Variants in ZDHHC20 observed in about 807,000 individuals in gnomAD.
ZDHHC20 encodes the protein zDHHC palmitoyltransferase 20.
Under a neutral mutation model 57.8 loss-of-function variants are expected in ZDHHC20, and 43 were observed. The observed-to-expected ratio is 0.74, with a 90% CI of 0.58 to 0.96. The LOEUF (loss-of-function observed/expected upper bound fraction) is 0.96, where lower values mean the gene tolerates loss of function less well. Ranked by LOEUF, ZDHHC20 falls within the 40% of genes least tolerant of loss-of-function variation. The pLI is 0.00. For missense variants in ZDHHC20, 391 were observed against 441.1 expected, an observed-to-expected ratio of 0.89 and a Z score of 1.02; for synonymous variants, 157 against 153.0, an observed-to-expected ratio of 1.03 and a Z score of -0.19.
intron 1 of ZDHHC20, among the ~76,000 whole-genome samples, chr13:21,440,331 C>A (rs1449636782): frequency 6.6e-6 from 1 of 152,072 alleles, no homozygotes; most frequent in Non-Finnish European, 1.5e-5. Context: ...TAAGATACGG[C>A]AGGTGCAGTG....
chr13:21,428,157 G>A (rs2083953316), intron 1 of ZDHHC20, among the ~76,000 whole-genome samples: 1 of 152,056 alleles, frequency 6.6e-6, no homozygotes, highest in Admixed American at 6.6e-5. Context: ...GCAATCTGCA[G>A]AACCTCTCTC....
At chr13:21,395,769 G>C (rs1045841793) in intron 7 of ZDHHC20, among the ~76,000 whole-genome samples, 1 of 151,794 alleles carries the variant, frequency 6.6e-6, no homozygotes, top group African/African-American at 2.4e-5. Context: ...CAAAGTGCTG[G>C]GATTACAGGC....
chr13:21,418,325 A>G (rs1255540542), intron 3 of ZDHHC20, among the ~76,000 whole-genome samples: 1 of 152,180 alleles, frequency 6.6e-6, no homozygotes, highest in African/African-American at 2.4e-5. Flanking sequence ...AAGTTGATGT[A>G]AAGGCTTAAG....
At chr13:21,435,177 T>C (rs1003597189) in intron 1 of ZDHHC20, among the ~76,000 whole-genome samples, 3 of 152,200 alleles carry the variant, frequency 2.0e-5, no homozygotes, top group African/African-American at 7.2e-5. Context: ...TCTTTTCTTA[T>C]GCTTATGTGT....
At chr13:21,381,067 C>T (rs1296491562) in intron 11 of ZDHHC20, among the ~76,000 whole-genome samples, 1 of 151,566 alleles carries the variant, frequency 6.6e-6, no homozygotes, top group Non-Finnish European at 1.5e-5. Flanking sequence ...AGTGCAGTGG[C>T]GCGATCTCAG....
chr13:21,414,460 A>T (rs1879665505), intron 3 of ZDHHC20, among the ~76,000 whole-genome samples: 1 of 149,590 alleles, frequency 6.7e-6, no homozygotes, highest in African/African-American at 2.5e-5. Context: ...TCCCGGGTTC[A>T]TGCCATTCTC....
At position 21,426,695 on chromosome 13, in the gene ZDHHC20, TC is replaced by T. The variant is rs1439001664; in HGVS notation, c.119-1018del. On this transcript the variant is annotated intron_variant, in intron 1 of 12. Transcript: ENST00000400590. ...ATCTTGGCTCACTGCAACCTCCACC[TC>T]CCAGGTTCAAGTGATTCTCCTGCCT... Among the ~76,000 whole-genome samples the T allele has an allele frequency of 3.4e-5, 5 of 147,216 alleles. No individual in the cohort carries two copies. The East Asian group carries it at 1.1e-3, about 32-fold the overall frequency.
intron 4 of ZDHHC20, chr13:21,404,417 C>T (rs1878158693): frequency 2.2e-5 from 10 of 455,884 alleles, no homozygotes; most frequent in South Asian, 1.6e-4. Context: ...TTTTTGACAA[C>T]CCTAATATGG....
chr13:21,434,636 A>G (rs1047372224), intron 1 of ZDHHC20, among the ~76,000 whole-genome samples: 1 of 152,090 alleles, frequency 6.6e-6, no homozygotes, highest in Non-Finnish European at 1.5e-5. Context: ...AGTGATTTGG[A>G]GTGACTCAAA....
intron 1 of ZDHHC20, among the ~76,000 whole-genome samples, chr13:21,442,552 C>T (rs1385563253): frequency 6.6e-6 from 1 of 152,050 alleles, no homozygotes; most frequent in African/African-American, 2.4e-5. Context: ...GTCAGGAGTT[C>T]AAGACCAGCC....
chr13:21,447,699 G>A (rs61950032), intron 1 of ZDHHC20, among the ~76,000 whole-genome samples: 474 of 106,710 alleles, frequency 4.4e-3, no homozygotes, highest in African/African-American at 7.7e-3. Context: ...CTGCCCGGCC[G>A]CCACCCCGTC....
intron 7 of ZDHHC20, among the ~76,000 whole-genome samples, chr13:21,398,991 A>T (rs544153071): frequency 3.3e-5 from 5 of 152,238 alleles, no homozygotes; most frequent in Non-Finnish European, 7.3e-5. Flanking sequence ...AAAGGAATTA[A>T]TATTATCTTG....
At chr13:21,383,179 G>A (rs962263577) in intron 9 of ZDHHC20, among the ~76,000 whole-genome samples, 170 bp from the exon 10 acceptor site, 3 of 152,194 alleles carry the variant, frequency 2.0e-5, no homozygotes, top group Admixed American at 1.3e-4. Context: ...CGGTTTGGCT[G>A]TGTCCTCACC....
rs981776498 is a variant in ZDHHC20 at position 21,375,359 on chromosome 13, G to C, written c.*1337C>G. 6 of 356,702 alleles carry C rather than the reference G, an allele frequency of 1.7e-5. No homozygotes were observed. The highest frequency in any genetic ancestry group is 3.3e-5 in the Non-Finnish European group (6 of 182,622). The allele number at this position is 356,702 out of a possible 1,614,324, so 22.1% of individuals were successfully genotyped here. A position where few individuals can be genotyped will look rare whatever the true frequency, so the allele number is the denominator to read the frequency against. On this transcript the variant is annotated 3_prime_UTR_variant, in exon 13 of 13. Coordinates refer to ENST00000400590, the MANE Select transcript of ZDHHC20 (RefSeq NM_001330059.2). The stretch of plus-strand genomic sequence containing the variant: ...ATTATTTTGGGGGGGGTGTGTGTGT[G>C]TGTGTGTCTGTCTGTCTAAAAGGTG...
intron 1 of ZDHHC20, among the ~76,000 whole-genome samples, chr13:21,436,968 T>TA (rs1391392577): frequency 2.6e-5 from 4 of 152,006 alleles, no homozygotes; most frequent in Admixed American, 1.3e-4. Context: ...CCCTAGAACT[T>TA]AAAGTATAAT....
At chr13:21,380,790 CAA>C (rs552347815) in intron 11 of ZDHHC20, among the ~76,000 whole-genome samples, 11 of 124,106 alleles carry the variant, frequency 8.9e-5, no homozygotes, top group African/African-American at 1.7e-4. Flanking sequence ...AATTCCATCT[CAA>C]AAAAAAAAAA....
intron 3 of ZDHHC20, among the ~76,000 whole-genome samples, chr13:21,417,297 CTG>C (rs1164093344): frequency 2.0e-5 from 3 of 152,044 alleles, no homozygotes; most frequent in South Asian, 4.1e-4. Context: ...TGTTTACTGT[CTG>C]TCTCTACCTT....
intron 1 of ZDHHC20, among the ~76,000 whole-genome samples, chr13:21,432,668 C>T (rs1016626021): frequency 6.6e-6 from 1 of 152,096 alleles, no homozygotes; most frequent in Non-Finnish European, 1.5e-5. Flanking sequence ...AGGGTTTCAC[C>T]ATGTTGGCCA....
rs556119539 is a variant in ZDHHC20 at position 21,387,729 on chromosome 13, C to T, written c.728-95G>A. 4.4e-5 allele frequency: 28 copies of T among 634,382 alleles called. No homozygotes were observed. The South Asian group carries it at 1.9e-3, about 43-fold the overall frequency. 39.3% of individuals were successfully genotyped at this position (634,382 alleles called of 1,614,324 possible). On this transcript the variant is annotated intron_variant, in intron 8 of 12. Transcript: ENST00000400590. ...AATTTTCTTGCTTATATCTTTGACA[C>T]AAAAACTGTAAATATAATTTAAAAT...
Sources: allele counts gnomAD v4.1 joint callset (sites outside exome capture counted in the v4.1 genomes callset), GRCh38; gene constraint gnomAD v4.1.1; transcripts MANE v1.5; gene names NCBI Gene and HGNC (gene_info 2026-07-23, HGNC 2026-07-21).